PIGN: variants seen among roughly 807,000 people sequenced by gnomAD.
The protein encoded by PIGN is phosphatidylinositol glycan anchor biosynthesis class N.
Under a neutral mutation model 125.4 loss-of-function variants are expected in PIGN, and 117 were observed. That is an observed-to-expected ratio of 0.93 (90% confidence interval 0.80 to 1.09). The LOEUF (loss-of-function observed/expected upper bound fraction) is 1.09, where lower values mean the gene tolerates loss of function less well. Ranked by LOEUF, PIGN falls within the 50% of genes least tolerant of loss-of-function variation. The probability of loss-of-function intolerance (pLI) is 0.00; values close to 1 mark genes in which losing one functional copy is unlikely to be tolerated. For missense variants in PIGN, 1,075 were observed against 1,094.9 expected, an observed-to-expected ratio of 0.98 and a Z score of 0.26; for synonymous variants, 392 against 377.8, an observed-to-expected ratio of 1.04 and a Z score of -0.44.
downstream of PIGN, among the ~76,000 whole-genome samples, chr18:62,038,314 T>G (rs1439186740): frequency 4.5e-4 from 46 of 102,288 alleles, no homozygotes; most frequent in Middle Eastern, 6.5e-3. Flanking sequence ...CCGTGTTTTT[T>G]TTTTTTTTTT....
intron 3 of PIGN, among the ~76,000 whole-genome samples, chr18:62,161,732 G>A (rs757444632): frequency 3.9e-5 from 6 of 152,272 alleles, no homozygotes; most frequent in East Asian, 3.9e-4. Flanking sequence ...AAGAGTTAGC[G>A]TTCAGCCAAG....
intron 29 of PIGN, among the ~76,000 whole-genome samples, chr18:62,074,377 A>G (rs531168411): frequency 1.3e-5 from 2 of 152,312 alleles, no homozygotes; most frequent in East Asian, 3.9e-4. Context: ...CCAACAGAAA[A>G]GCTGTATTTC....
At chr18:62,071,863 C>T (rs1368330373) in intron 30 of PIGN, among the ~76,000 whole-genome samples, 2 of 77,618 alleles carry the variant, frequency 2.6e-5, no homozygotes, top group Non-Finnish European at 5.1e-5. Flanking sequence ...ACTCCTTTTC[C>T]ATATATATAT....
chr18:62,138,218 T>C (rs1424721081), intron 14 of PIGN, 25 bp downstream of exon 14: 1 of 1,539,824 alleles, frequency 6.5e-7, no homozygotes, highest in Non-Finnish European at 8.7e-7. Flanking sequence ...TCCTTCAAGT[T>C]AATAAAAAAA....
chr18:62,118,128 G>C (rs907412773), intron 14 of PIGN, among the ~76,000 whole-genome samples: 10 of 151,856 alleles, frequency 6.6e-5, no homozygotes, highest in African/African-American at 2.4e-4. Flanking sequence ...CTGTATATAT[G>C]TATACATGAT....
chr18:62,085,054 G>A (rs2033632830), intron 26 of PIGN, among the ~76,000 whole-genome samples, 155 bp downstream of exon 26: 1 of 151,078 alleles, frequency 6.6e-6, no homozygotes, highest in Non-Finnish European at 1.5e-5. Flanking sequence ...GTTGCAATGA[G>A]CCGAGATCAC....
At chr18:62,167,286 ATGTGTG>A (rs61310777) in intron 1 of PIGN, among the ~76,000 whole-genome samples, 14,235 of 138,442 alleles carry the variant, frequency 0.1, 788 homozygotes, top group Middle Eastern at 0.15. Context: ...AGAGATATAT[ATGTGTG>A]TGTGTGTGTG....
intron 1 of PIGN, among the ~76,000 whole-genome samples, chr18:62,178,205 A>T (rs542529514): frequency 2.1e-3 from 315 of 152,202 alleles, no homozygotes; most frequent in African/African-American, 7.2e-3. Context: ...ATGGTGAATG[A>T]GGATGGTAAT....
intron 23 of PIGN, among the ~76,000 whole-genome samples, chr18:62,024,144 A>G (rs1039824988): frequency 2.0e-5 from 3 of 152,240 alleles, no homozygotes; most frequent in African/African-American, 4.8e-5. Flanking sequence ...AGGCTGATGC[A>G]TGTTAATTAA....
chr18:62,179,066 A>G (rs1465221096), intron 1 of PIGN, among the ~76,000 whole-genome samples: 1 of 152,120 alleles, frequency 6.6e-6, no homozygotes, highest in Non-Finnish European at 1.5e-5. Context: ...ATGTCTTGCT[A>G]TTGGGATTTA....
At chr18:62,099,454 T>C (rs1353489693) in intron 22 of PIGN, among the ~76,000 whole-genome samples, 1 of 151,898 alleles carries the variant, frequency 6.6e-6, no homozygotes, top group Admixed American at 6.6e-5. Flanking sequence ...AATCCTAAAA[T>C]TCATGTGGGC....
chr18:62,038,405 CAT>C (rs912202066), downstream of PIGN, among the ~76,000 whole-genome samples: 10 of 147,100 alleles, frequency 6.8e-5, no homozygotes, highest in South Asian at 2.2e-4. Context: ...TGAAACTTCA[CAT>C]GTTAGAAACT....
intron 7 of PIGN, chr18:62,154,077 T>C (rs538043135): frequency 1.3e-5 from 2 of 156,394 alleles, no homozygotes; most frequent in East Asian, 3.7e-4. Flanking sequence ...AGATTTTTAT[T>C]ATGATCAATT....
chr18:62,061,337 C>T (rs1730544730), intron 30 of PIGN, among the ~76,000 whole-genome samples: 1 of 151,512 alleles, frequency 6.6e-6, no homozygotes, highest in South Asian at 2.1e-4. Flanking sequence ...AGATACATGC[C>T]AGACTACATT....
At chr18:62,087,140 A>C (rs2033746232) in intron 25 of PIGN, among the ~76,000 whole-genome samples, 1 of 152,210 alleles carries the variant, frequency 6.6e-6, no homozygotes, top group Non-Finnish European at 1.5e-5. Flanking sequence ...ATATGGCATA[A>C]ACCAGGCACA....
chr18:62,178,932 G>A (rs1456340027), intron 1 of PIGN, among the ~76,000 whole-genome samples: 1 of 152,082 alleles, frequency 6.6e-6, no homozygotes, highest in African/African-American at 2.4e-5. Flanking sequence ...ACTCTACCAG[G>A]ATACCACAGG....
chr18:62,040,454 G>T (rs1179069891), downstream of PIGN, among the ~76,000 whole-genome samples: 4 of 152,168 alleles, frequency 2.6e-5, no homozygotes, highest in Non-Finnish European at 5.9e-5. Flanking sequence ...ATTGATATTT[G>T]TCTGTTTTTC....
At chr18:62,169,692 C>T (rs187890979) in intron 1 of PIGN, among the ~76,000 whole-genome samples, 49 of 152,020 alleles carry the variant, frequency 3.2e-4, no homozygotes, top group African/African-American at 1.2e-3. Context: ...ACGATCACGG[C>T]TTACTGCAGC....
At chr18:62,054,056 A>T (rs906798519) in intron 30 of PIGN, among the ~76,000 whole-genome samples, 1 of 152,236 alleles carries the variant, frequency 6.6e-6, no homozygotes, top group Non-Finnish European at 1.5e-5. Flanking sequence ...TAATGAAAAT[A>T]AAAAACCAAC....
Sources: allele counts gnomAD v4.1 joint callset (sites outside exome capture counted in the v4.1 genomes callset), GRCh38; gene constraint gnomAD v4.1.1; transcripts MANE v1.5; gene names NCBI Gene and HGNC (gene_info 2026-07-23, HGNC 2026-07-21).